Variants in FAT3 observed in about 807,000 individuals in gnomAD.
FAT3 encodes the protein protocadherin Fat 3.
Under a neutral mutation model 310.2 loss-of-function variants are expected in FAT3, and 95 were observed. The ratio of observed to expected loss-of-function variants is 0.31; its 90% CI spans 0.26 to 0.36. The LOEUF is 0.36. FAT3 is among the 10% of genes least tolerant of loss of function. The probability of loss-of-function intolerance (pLI) is 1.00; values close to 1 mark genes in which losing one functional copy is unlikely to be tolerated. For synonymous variants in FAT3, 2,314 were observed against 2,192.9 expected, an observed-to-expected ratio of 1.06 and a Z score of -1.54; for missense variants, 5,408 against 5,715.6, an observed-to-expected ratio of 0.95 and a Z score of 1.74.
chr11:92,359,466 T>C (rs1385980403), intron 2 of FAT3, among the ~76,000 whole-genome samples: 4 of 152,168 alleles, frequency 2.6e-5, no homozygotes, highest in Admixed American at 6.6e-5. Flanking sequence ...AGTAGTTTTA[T>C]GTTCTTGACT....
chr11:92,806,488 A>C lies in FAT3; in HGVS notation c.9220A>C (p.Ser3074Arg), dbSNP rs1473701219. 3 of 1,553,848 alleles carry C rather than the reference A, an allele frequency of 1.9e-6. No individual in the cohort carries two copies. Among genetic ancestry groups the C allele is most frequent in the African/African-American group, 1.4e-5 (1 of 74,060 alleles). ...IRYSLYGSGN[S>R]EFFLDPESGE... ...ATACTCACTCTATGGATCTGGAAAC[A>C]GTGAATTTTTTCTAGATCCAGAAAG... The change falls in exon 12 of 28, where the codon AGT (serine) becomes CGT (arginine). Residue 3074 changes from serine to arginine, a missense_variant. Coordinates refer to ENST00000525166, the MANE Select transcript of FAT3 (RefSeq NM_001367949.2).
chr11:92,648,313 A>G (rs1942238578), intron 3 of FAT3, among the ~76,000 whole-genome samples: 1 of 152,238 alleles, frequency 6.6e-6, no homozygotes, highest in Non-Finnish European at 1.5e-5. Context: ...ACTGAAAATC[A>G]GAGGAAGTGC....
chr11:92,868,612 T>C (rs1292460014), intron 22 of FAT3, among the ~76,000 whole-genome samples: 1 of 152,160 alleles, frequency 6.6e-6, no homozygotes, highest in Non-Finnish European at 1.5e-5. Flanking sequence ...AGAACACCAC[T>C]CCATGTCAAA....
chr11:92,521,268 T>C (rs1354112918), intron 2 of FAT3, among the ~76,000 whole-genome samples: 2 of 152,144 alleles, frequency 1.3e-5, no homozygotes, highest in African/African-American at 4.8e-5. Context: ...GTTCTCTTTT[T>C]AGTGACCTTA....
intron 3 of FAT3, among the ~76,000 whole-genome samples, chr11:92,539,350 C>G (rs1042636480): frequency 2.6e-5 from 4 of 152,138 alleles, no homozygotes; most frequent in African/African-American, 9.7e-5. Flanking sequence ...CACTTTTATA[C>G]TTAATCAAAT....
intron 3 of FAT3, among the ~76,000 whole-genome samples, chr11:92,570,470 A>G (rs544206844): frequency 2.6e-4 from 39 of 152,302 alleles, no homozygotes; most frequent in African/African-American, 8.7e-4. Context: ...TTGAGAACAT[A>G]TGCACAAGGG....
chr11:92,587,006 G>A (rs1939190468), intron 3 of FAT3, among the ~76,000 whole-genome samples: 1 of 151,978 alleles, frequency 6.6e-6, no homozygotes, highest in African/African-American at 2.4e-5. Flanking sequence ...AGCCATATAA[G>A]AGATTTCTTA....
chr11:92,593,771 T>A (rs1420777052), intron 3 of FAT3, among the ~76,000 whole-genome samples: 2 of 152,212 alleles, frequency 1.3e-5, no homozygotes, highest in Non-Finnish European at 2.9e-5. Flanking sequence ...ATGTATTTGC[T>A]AATCTCTTAT....
chr11:92,620,767 G>A (rs1941049585), intron 3 of FAT3, among the ~76,000 whole-genome samples: 1 of 152,002 alleles, frequency 6.6e-6, no homozygotes, highest in Non-Finnish European at 1.5e-5. Context: ...TCAGACTGCT[G>A]TAACGGAATA....
chr11:92,605,006 C>G (rs867773890), intron 3 of FAT3, among the ~76,000 whole-genome samples: 2 of 152,310 alleles, frequency 1.3e-5, no homozygotes, highest in Middle Eastern at 3.4e-3. Flanking sequence ...TAGGCAGTGC[C>G]TGGCCTAGGA....
intron 3 of FAT3, among the ~76,000 whole-genome samples, chr11:92,650,050 A>G (rs1032004055): frequency 3.3e-5 from 5 of 151,790 alleles, no homozygotes; most frequent in Non-Finnish European, 7.4e-5. Flanking sequence ...TCACCTGTCC[A>G]CCTAAGAGTT....
chr11:92,225,548 G>C (rs1237068656), intron 1 of FAT3, among the ~76,000 whole-genome samples: 5 of 152,110 alleles, frequency 3.3e-5, no homozygotes, highest in African/African-American at 1.2e-4. Context: ...AGAAGGTTCA[G>C]GTGGCGAGCC....
intron 1 of FAT3, among the ~76,000 whole-genome samples, chr11:92,325,530 A>G (rs1053793622): frequency 3.3e-5 from 5 of 151,462 alleles, no homozygotes; most frequent in African/African-American, 1.2e-4. Context: ...CTGACAGGCA[A>G]CTCCTTACTT....
chr11:92,225,637 G>A (rs1316514580), intron 1 of FAT3, among the ~76,000 whole-genome samples: 2 of 152,142 alleles, frequency 1.3e-5, no homozygotes, highest in Admixed American at 6.5e-5. Context: ...GGACCCCGAG[G>A]TGCAAGTTGG....
chr11:92,624,420 G>T (rs1414180364), intron 3 of FAT3, among the ~76,000 whole-genome samples: 1 of 152,160 alleles, frequency 6.6e-6, no homozygotes, highest in South Asian at 2.1e-4. Flanking sequence ...AAAGGGCCTG[G>T]CATGTTTAGA....
At chr11:92,367,599 C>A (rs1949060752) in intron 2 of FAT3, among the ~76,000 whole-genome samples, 1 of 152,050 alleles carries the variant, frequency 6.6e-6, no homozygotes, top group Non-Finnish European at 1.5e-5. Flanking sequence ...CCACTACAAT[C>A]CAGCTTGGAT....
At chr11:92,796,664 A>G (rs553311325) in intron 9 of FAT3, among the ~76,000 whole-genome samples, 2 of 152,294 alleles carry the variant, frequency 1.3e-5, no homozygotes, top group African/African-American at 2.4e-5. Context: ...ACAGAAGTAT[A>G]TGTGTTCTTT....
chr11:92,701,199 A>G (rs1034736003), intron 4 of FAT3, among the ~76,000 whole-genome samples: 3 of 152,216 alleles, frequency 2.0e-5, no homozygotes, highest in Non-Finnish European at 4.4e-5. Context: ...GAAAGGACCC[A>G]TTTAGAAGCT....
chr11:92,429,574 G>A (rs764029116), intron 2 of FAT3, among the ~76,000 whole-genome samples: 17 of 152,144 alleles, frequency 1.1e-4, no homozygotes, highest in African/African-American at 1.4e-4. Context: ...AGGCAGGCCT[G>A]GTGGTAACAA....
Sources: gnomAD v4.1 joint callset for allele counts (sites outside exome capture counted in the v4.1 genomes callset) on GRCh38, gnomAD v4.1.1 for gene constraint, MANE v1.5 for transcripts, NCBI Gene and HGNC (gene_info 2026-07-23, HGNC 2026-07-21) for gene names.